The following HRAS variants were observed in gnomAD, a reference collection of about 807,000 sequenced individuals.
HRAS encodes the protein HRas proto-oncogene, GTPase, also known as GTPase HRas.
In HRAS, 11 loss-of-function variants were observed where a neutral mutation model predicts 19.8. That is an observed-to-expected ratio of 0.55 (90% confidence interval 0.35 to 0.92). The LOEUF (loss-of-function observed/expected upper bound fraction) is 0.92. Among genes scored for constraint, HRAS ranks in the 40% least tolerant of loss-of-function variants. The pLI is 0.01. For synonymous variants in HRAS, 149 were observed against 105.5 expected (o/e 1.41, Z -2.52); for missense variants, 204 against 255.9 (o/e 0.80, Z 1.38).
chr11:534,100 CAG>C lies in HRAS; in HGVS notation c.111+110_111+111del, dbSNP rs1435345310. On this transcript the variant is annotated intron_variant, in intron 2 of 5. Coordinates refer to ENST00000311189, the MANE Select transcript of HRAS (RefSeq NM_005343.4). ...CCCCTCCTCTAGAGGAAGCAGGAGACAGGGCCACAGCACCATGCAGGGGACCA... is the reference window on the plus strand; with the variant it reads ...CCCCTCCTCTAGAGGAAGCAGGAGACGGCCACAGCACCATGCAGGGGACCA... 1.6e-5 allele frequency: 19 copies of C among 1,164,792 alleles called. No individual in the cohort carries two copies. The East Asian group carries it at 4.3e-4, about 26-fold the overall frequency. 72.2% of individuals were successfully genotyped at this position (1,164,792 alleles called of 1,614,324 possible).
intron 4 of HRAS, among the ~76,000 whole-genome samples, chr11:533,099 G>A (rs1264151932): frequency 1.3e-5 from 2 of 152,354 alleles, no homozygotes; most frequent in East Asian, 3.9e-4. Flanking sequence ...AGGTGCCCGT[G>A]GGACACTCTG....
chr11:532,561 G>A (rs1851165842), intron 5 of HRAS, 39 bp from the exon 6 acceptor site: 3 of 1,570,338 alleles, frequency 1.9e-6, no homozygotes, highest in Non-Finnish European at 2.6e-6. Context: ...CCGCAGGCCA[G>A]GAGACCGGCA....
In HRAS at chr11:534,384, G is replaced by T. The variant is rs1851327212; in HGVS notation, c.-53-9C>A. 2 of 1,386,916 alleles carry T rather than the reference G, an allele frequency of 1.4e-6. No individual in the cohort carries two copies. Among genetic ancestry groups the T allele is most frequent in the African/African-American group, 1.4e-5 (1 of 70,548 alleles). The allele number at this position is 1,386,916 out of a possible 1,614,324, so 85.9% of individuals were successfully genotyped here. A position where few individuals can be genotyped will look rare whatever the true frequency, so the allele number is the denominator to read the frequency against. ...AGGGTCTCCTGCCCCACCTGCCAAG[G>T]AGGGCCCTGCTCAGCCAGGCCCAGG... On this transcript the variant is annotated splice_polypyrimidine_tract_variant and intron_variant, in intron 1 of 5. Transcript: ENST00000311189.
At chr11:533,205 C>G (rs916072009) in intron 4 of HRAS, 28 of 1,344,770 alleles carry the variant, frequency 2.1e-5, no homozygotes, top group Non-Finnish European at 2.6e-5. Context: ...TGTGTCGGCC[C>G]AGGACTGCAG....
At chr11:535,011 G>T (rs2133999327) in intron 1 of HRAS, among the ~76,000 whole-genome samples, 1 of 152,296 alleles carries the variant, frequency 6.6e-6, no homozygotes, top group East Asian at 1.9e-4. Flanking sequence ...GAGGGAAAAG[G>T]CACTGGGGCT....
Position 532,755 on chromosome 11 carries a change from C to T in HRAS, c.451G>A (p.Gly151Arg). ...YIETSAKTRQ[G>R]VEDAFYTLVR... is the part of the protein sequence containing the mutation. ...AACGTGTAGAAGGCATCCTCCACTCCCTGGGAAAGGAGGGATGGGATCAGG... is the reference window on the plus strand; with the variant it reads ...AACGTGTAGAAGGCATCCTCCACTCTCTGGGAAAGGAGGGATGGGATCAGG... Residue 151 changes from glycine to arginine, a missense_variant and splice_region_variant, in exon 5 of 6, where the codon GGA (glycine) becomes AGA (arginine). By Grantham distance (125) the Gly-to-Arg change is moderately radical. Around this residue, in one of 4 missense-constraint regions of HRAS, gnomAD observed 142 missense variants for 141.1 expected, o/e 1.01. Coordinates refer to ENST00000311189, the MANE Select transcript of HRAS (RefSeq NM_005343.4). 6.2e-7 allele frequency: 1 copy of T among 1,612,628 alleles called. No homozygotes were observed. Among genetic ancestry groups the T allele is most frequent in the Non-Finnish European group, 8.5e-7 (1 of 1,179,970 alleles).
chr11:534,057 G>A (rs1851297989), intron 2 of HRAS, 113 bp from the exon 3 acceptor site: 16 of 1,295,352 alleles, frequency 1.2e-5, no homozygotes, highest in Non-Finnish European at 1.8e-5. Flanking sequence ...CTCTCCTGGG[G>A]TGCTGAGACG....
In HRAS at chr11:533,468, C is replaced by G. The variant is rs747008553; in HGVS notation, c.435G>C (p.Ser145=). The G allele has an allele frequency of 6.2e-7, 1 of 1,613,392 alleles. No homozygotes were observed. The highest frequency in any genetic ancestry group is 8.5e-7 in the Non-Finnish European group (1 of 1,179,958). ...GCTGCCTCACCTGCCGGGTCTTGGC[C>G]GAGGTCTCGATGTAGGGGATGCCGT... ...RSYGIPYIET[S]AKTRQGVEDA... The change falls in exon 4 of 6, where the codon TCG becomes TCC. Residue 145 remains serine, a synonymous_variant. Transcript: ENST00000311189.
intron 3 of HRAS, 32 bp from the exon 4 acceptor site, chr11:533,644 GGGCTGCAGGCGCAGCGGCATCCAGGA>G: frequency 6.2e-7 from 1 of 1,613,424 alleles, no homozygotes; most frequent in Non-Finnish European, 8.5e-7. Flanking sequence ...CTGGCTACGG[GGGCTGCAGGCGCAGCGGCATCCAGGA>G]CATGCGCAGA....
At chr11:534,453 G>A in intron 1 of HRAS, 78 bp from the exon 2 acceptor site, 1 of 720,504 alleles carries the variant, frequency 1.4e-6, no homozygotes, top group Non-Finnish European at 2.3e-6. Context: ...AGGGCCATCT[G>A]AAGGGCAAAC....
intron 1 of HRAS, among the ~76,000 whole-genome samples, chr11:534,755 G>A (rs1851351979): frequency 6.6e-6 from 1 of 152,226 alleles, no homozygotes; most frequent in Non-Finnish European, 1.5e-5. Flanking sequence ...GCGCCACGGC[G>A]TGCCCGGGCA....
chr11:533,162 GC>G, intron 4 of HRAS: 1 of 963,478 alleles, frequency 1.0e-6, no homozygotes, highest in Non-Finnish European at 1.5e-6. Flanking sequence ...GCTCAGGGCA[GC>G]TCTCCCCAAG....
Position 532,363 on chromosome 11 carries a change from C to T in HRAS, c.*165G>A. The T allele has an allele frequency of 1.8e-6, 1 of 568,988 alleles. No homozygotes were observed. 35.2% of individuals were successfully genotyped at this position (568,988 alleles called of 1,614,324 possible). The stretch of plus-strand genomic sequence containing the variant: ...TTTGGGATGTTCAAGACAGTCTGTG[C>T]ACAGCCTCCCTGGGAGGGTCTGCAG... On this transcript the variant is annotated 3_prime_UTR_variant, in exon 6 of 6. Coordinates refer to ENST00000311189, the MANE Select transcript of HRAS (RefSeq NM_005343.4).
intron 2 of HRAS, 41 bp downstream of exon 2, chr11:534,171 C>T (rs760986206): frequency 9.3e-6 from 14 of 1,501,168 alleles, no homozygotes; most frequent in South Asian, 5.6e-5. Flanking sequence ...TGGGCTCGCC[C>T]GCAGCAGCTG....
At chr11:535,289 C>CCG (rs1851408157) in intron 1 of HRAS, 127 bp downstream of exon 1, 1 of 141,190 alleles carries the variant, frequency 7.1e-6, no homozygotes, top group African/African-American at 2.7e-5. Context: ...GCCCCACCCA[C>CCG]CCGCCGCCGC....
At chr11:534,407 A>G (rs1851329549) in intron 1 of HRAS, 32 bp from the exon 2 acceptor site, 1 of 709,990 alleles carries the variant, frequency 1.4e-6, no homozygotes, top group Non-Finnish European at 2.1e-6. Context: ...AGCCAGGCCC[A>G]GGCCCAGCCC....
intron 1 of HRAS, chr11:534,614 G>A (rs1177292459): frequency 1.9e-6 from 1 of 528,398 alleles, no homozygotes; most frequent in Admixed American, 3.2e-5. Context: ...GCCCTCAAAG[G>A]CAGGGCTGAC....
At position 533,545 on chromosome 11, in the gene HRAS, G is replaced by C. The variant is rs397517139; in HGVS notation, c.358C>G (p.Leu120Val). The C allele has an allele frequency of 6.2e-7, 1 of 1,613,880 alleles. No individual in the cohort carries two copies. Among genetic ancestry groups the C allele is most frequent in the Non-Finnish European group, 8.5e-7 (1 of 1,179,998 alleles). Residue 120 changes from leucine (L) to valine (V), a missense_variant, in exon 4 of 6, where the codon CTG (leucine) becomes GTG (valine). Physicochemically the swap from Leu to Val is conservative, Grantham distance 32. Coordinates refer to ENST00000311189, the MANE Select transcript of HRAS (RefSeq NM_005343.4). ...PMVLVGNKCD[L>V]AARTVESRQA... ...CGAGATTCCACAGTGCGTGCAGCCA[G>C]GTCACACTTGTTCCCCACCAGCACC... is the stretch of plus-strand genomic sequence containing the variant.
chr11:535,357 T>C (rs1477087519), intron 1 of HRAS, 59 bp downstream of exon 1: 2 of 145,154 alleles, frequency 1.4e-5, no homozygotes, highest in Non-Finnish European at 3.1e-5. Flanking sequence ...GCCGCGCGTA[T>C]TGCTGCCGCC....
Sources: gnomAD v4.1 joint callset for allele counts (sites outside exome capture counted in the v4.1 genomes callset) on GRCh38, gnomAD v4.1.1 for gene constraint, gnomAD v4.1.1 regional missense constraint, MANE v1.5 for transcripts, NCBI Gene and HGNC (gene_info 2026-07-23, HGNC 2026-07-21) for gene names.